DSE: variants seen among roughly 807,000 people sequenced by gnomAD.
DSE encodes the protein dermatan sulfate epimerase, also known as dermatan-sulfate epimerase.
In DSE, 36 loss-of-function variants were observed where a neutral mutation model predicts 84.4. The observed-to-expected ratio is 0.43, with a 90% CI of 0.33 to 0.56. DSE has a LOEUF of 0.56. Ranked by LOEUF, DSE falls within the 20% of genes least tolerant of loss-of-function variation. The pLI is 0.06. For synonymous variants in DSE, 410 were observed against 430.1 expected (o/e 0.95, Z 0.58); for missense variants, 862 against 1,169.6 (o/e 0.74, Z 3.84).
Position 116,399,221 on chromosome 6 carries a change from G to A in DSE, c.-30G>A. The A allele has an allele frequency of 6.2e-7, 1 of 1,612,512 alleles. No individual in the cohort carries two copies. Among genetic ancestry groups the A allele is most frequent in the Non-Finnish European group, 8.5e-7 (1 of 1,179,980 alleles). The stretch of plus-strand genomic sequence containing the variant: ...AGGATCTTTCGAAGATGGTTTGGCT[G>A]CCTTGGAGATTTGGAGATCTGATGC... On this transcript the variant is annotated 5_prime_UTR_variant, in exon 2 of 6. Transcript: ENST00000644252.
chr6:116,410,408 G>C (rs1782244099), intron 2 of DSE, among the ~76,000 whole-genome samples: 1 of 151,986 alleles, frequency 6.6e-6, no homozygotes, highest in Admixed American at 6.6e-5. Flanking sequence ...ATTTAATCTT[G>C]CTCATTTTTT....
chr6:116,285,840 G>A (rs1429942783), intron 2 of DSE, among the ~76,000 whole-genome samples: 1 of 152,144 alleles, frequency 6.6e-6, no homozygotes, highest in African/African-American at 2.4e-5. Flanking sequence ...TAGATGTGTG[G>A]TATTATTTCT....
At chr6:116,432,250 G>A (rs1416074284) in intron 4 of DSE, among the ~76,000 whole-genome samples, 4 of 152,206 alleles carry the variant, frequency 2.6e-5, no homozygotes, top group Admixed American at 2.6e-4. Context: ...ACTACATCAG[G>A]AATTGTGTTT....
chr6:116,351,857 A>G (rs1322694844), intron 2 of DSE, among the ~76,000 whole-genome samples: 2 of 152,228 alleles, frequency 1.3e-5, no homozygotes, highest in African/African-American at 4.8e-5. Flanking sequence ...GTGAACTATG[A>G]ATAGTGACAA....
At chr6:116,295,764 A>T (rs752469204) in intron 2 of DSE, among the ~76,000 whole-genome samples, 2 of 152,162 alleles carry the variant, frequency 1.3e-5, no homozygotes, top group African/African-American at 2.4e-5. Flanking sequence ...GCAAGATGTC[A>T]TTTTATTTCC....
In DSE at chr6:116,264,290, CT is replaced by C. The variant is rs567300463; in HGVS notation, c.-54+5327del. Among the ~76,000 whole-genome samples, 3 of 152,148 alleles carry C rather than the reference CT, an allele frequency of 2.0e-5. No individual in the cohort carries two copies. In the South Asian group the frequency reaches 6.2e-4, roughly 32 times the overall value. Reference sequence around the variant, plus strand: ...TATTTCTCAGAGGTTTTGCTCATTCCTTTTCATTCTTTTTTCTCTATTCTTG... The same window carrying C: ...TATTTCTCAGAGGTTTTGCTCATTCCTTTCATTCTTTTTTCTCTATTCTTG... On this transcript the variant is annotated intron_variant, in intron 2 of 3. Coordinates refer to the DSE transcript ENST00000430252.
chr6:116,305,145 T>A (rs9488892), intron 2 of DSE, among the ~76,000 whole-genome samples: 10,562 of 152,108 alleles, frequency 0.069, 763 homozygotes, highest in African/African-American at 0.18. Context: ...CTTTTTTTTT[T>A]TTTCTTTTTG....
intron 2 of DSE, chr6:116,278,140 T>A (rs1773254029): frequency 3.2e-6 from 1 of 308,912 alleles, no homozygotes; most frequent in Non-Finnish European, 6.4e-6. Flanking sequence ...GCTGAGTAGG[T>A]GGAACAGGCT....
intron 2 of DSE, among the ~76,000 whole-genome samples, chr6:116,308,260 C>T (rs1325821601): frequency 6.6e-6 from 1 of 152,156 alleles, no homozygotes; most frequent in African/African-American, 2.4e-5. Context: ...CAAGTTGTTT[C>T]CTGGTAAGCA....
At chr6:116,299,286 G>A (rs1304521843) in intron 2 of DSE, among the ~76,000 whole-genome samples, 2 of 151,836 alleles carry the variant, frequency 1.3e-5, no homozygotes, top group Admixed American at 1.3e-4. Context: ...ATGTAGTTTT[G>A]TGCTTACCTA....
intron 1 of DSE, among the ~76,000 whole-genome samples, chr6:116,397,764 A>G (rs1781354412): frequency 6.6e-6 from 1 of 152,234 alleles, no homozygotes; most frequent in South Asian, 2.1e-4. Context: ...GTATGGCTAT[A>G]TTAATTTTTT....
chr6:116,258,882 C>A (rs1244975628), exon 2 of DSE: 1 of 1,605,944 alleles, frequency 6.2e-7, no homozygotes, highest in Non-Finnish European at 8.5e-7. Flanking sequence ...TGCAGCCGTG[C>A]ATCATCATGG....
At chr6:116,365,088 T>C (rs996373987) in intron 2 of DSE, among the ~76,000 whole-genome samples, 8 of 152,286 alleles carry the variant, frequency 5.3e-5, no homozygotes, top group South Asian at 2.1e-4. Context: ...TTTGCCTGCA[T>C]TGGCCTCCCA....
At chr6:116,335,447 CAAAA>C (rs923378644) in intron 2 of DSE, among the ~76,000 whole-genome samples, 5 of 151,908 alleles carry the variant, frequency 3.3e-5, no homozygotes, top group Non-Finnish European at 7.4e-5. Flanking sequence ...ACCTGGGTGA[CAAAA>C]AAATCTGTAC....
At chr6:116,376,349 C>T (rs1197450845) in intron 1 of DSE, among the ~76,000 whole-genome samples, 2 of 152,162 alleles carry the variant, frequency 1.3e-5, no homozygotes, top group African/African-American at 4.8e-5. Context: ...CATGTGTAGG[C>T]AAGTTCCAGC....
chr6:116,356,460 T>C (rs1778575913), intron 2 of DSE, among the ~76,000 whole-genome samples: 2 of 152,338 alleles, frequency 1.3e-5, no homozygotes, highest in Admixed American at 1.3e-4. Context: ...TTATAAGACC[T>C]AATTTCATCT....
intron 1 of DSE, among the ~76,000 whole-genome samples, chr6:116,391,805 T>A (rs1780927460): frequency 6.6e-6 from 1 of 151,708 alleles, no homozygotes; most frequent in African/African-American, 2.4e-5. Flanking sequence ...GTTTTAAGAT[T>A]TTCCTTTTTG....
intron 3 of DSE, among the ~76,000 whole-genome samples, chr6:116,427,296 A>G (rs951324220): frequency 2.0e-5 from 3 of 152,182 alleles, no homozygotes; most frequent in Admixed American, 6.5e-5. Flanking sequence ...ATTGGAAGCA[A>G]TTTTTGTGGA....
upstream of DSE, among the ~76,000 whole-genome samples, chr6:116,368,760 A>C (rs1014075175): frequency 3.1e-4 from 47 of 152,234 alleles, no homozygotes; most frequent in African/African-American, 1.1e-3. Context: ...GATGTTGGCA[A>C]AGTAAATCTC....
Sources: allele counts gnomAD v4.1 joint callset (sites outside exome capture counted in the v4.1 genomes callset), GRCh38; gene constraint gnomAD v4.1.1; transcripts MANE v1.5; gene names NCBI Gene and HGNC (gene_info 2026-07-23, HGNC 2026-07-21).